The following RBFOX1 variants were observed in gnomAD, a reference collection of about 807,000 sequenced individuals.
The protein encoded by RBFOX1 is RNA binding protein fox-1 homolog 1.
Under a neutral mutation model 57.7 loss-of-function variants are expected in RBFOX1, and 8 were observed. The observed-to-expected ratio is 0.14, with a 90% CI of 0.08 to 0.25. The LOEUF (loss-of-function observed/expected upper bound fraction) is 0.25, where lower values mean the gene tolerates loss of function less well. Ranked by LOEUF, RBFOX1 falls within the 10% of genes least tolerant of loss-of-function variation. The pLI is 1.00. For missense variants in RBFOX1, 611 were observed against 548.5 expected (o/e 1.11, Z -1.14); for synonymous variants, 326 against 222.4 (o/e 1.47, Z -4.15).
chr16:5,287,094 C>T (rs1324232139), intron 1 of RBFOX1, among the ~76,000 whole-genome samples: 2 of 152,250 alleles, frequency 1.3e-5, no homozygotes, highest in East Asian at 3.9e-4. Flanking sequence ...GGCTTGAGGC[C>T]AGGAGTTTGA....
At chr16:7,167,018 T>A in intron 4 of RBFOX1, among the ~76,000 whole-genome samples, 1 of 127,240 alleles carries the variant, frequency 7.9e-6, no homozygotes, top group Admixed American at 9.4e-5. Flanking sequence ...GACAGTTTCT[T>A]TCTGTCGCCC....
chr16:6,742,457 T>G (rs1331171441), intron 3 of RBFOX1, among the ~76,000 whole-genome samples: 2 of 152,122 alleles, frequency 1.3e-5, no homozygotes, highest in African/African-American at 2.4e-5. Context: ...TACCAATGAG[T>G]CAACAATCAC....
In RBFOX1 at chr16:6,336,631, G is replaced by C. The variant is rs140751509; in HGVS notation, c.-64+19574G>C. 1.8e-3 allele frequency among the ~76,000 whole-genome samples: 270 copies of C among 152,222 alleles called. 1 individual carries two copies. The highest frequency in any genetic ancestry group is 6.2e-3 in the African/African-American group (258 of 41,542). ...CACACCACCCGGGAGAACTTTGCCA[G>C]TTGTCAACTTCCTTGGCCTCTGTCT... On this transcript the variant is annotated intron_variant, in intron 2 of 15. Transcript: ENST00000550418.
intron 4 of RBFOX1, among the ~76,000 whole-genome samples, chr16:7,441,912 C>G (rs1017674669): frequency 3.3e-5 from 5 of 152,222 alleles, no homozygotes; most frequent in African/African-American, 1.2e-4. Context: ...TAAACGTGCC[C>G]AGAGATGCTG....
At chr16:6,354,206 C>T (rs1042141490) in intron 2 of RBFOX1, among the ~76,000 whole-genome samples, 3 of 151,814 alleles carry the variant, frequency 2.0e-5, no homozygotes, top group South Asian at 2.1e-4. Flanking sequence ...GGTGACAGAG[C>T]GAGACACTGG....
chr16:5,353,233 C>G (rs1033582719), intron 1 of RBFOX1, among the ~76,000 whole-genome samples: 1 of 152,060 alleles, frequency 6.6e-6, no homozygotes, highest in African/African-American at 2.4e-5. Flanking sequence ...CAAAAATTAG[C>G]CAGGTGTGGT....
chr16:5,599,736 A>G (rs534376335), exon 3 of RBFOX1: 2 of 153,538 alleles, frequency 1.3e-5, no homozygotes, highest in Admixed American at 1.3e-4. Flanking sequence ...AATTTCCTTC[A>G]AAAAAAGTTT....
At chr16:5,735,086 A>G (rs2052523259) in intron 3 of RBFOX1, among the ~76,000 whole-genome samples, 1 of 152,206 alleles carries the variant, frequency 6.6e-6, no homozygotes, top group African/African-American at 2.4e-5. Flanking sequence ...CCTTGTGATC[A>G]TATGGTTTAT....
intron 1 of RBFOX1, among the ~76,000 whole-genome samples, chr16:6,181,334 A>G (rs1774335303): frequency 6.6e-6 from 1 of 152,222 alleles, no homozygotes; most frequent in Non-Finnish European, 1.5e-5. Context: ...GCCCTCATCT[A>G]GAATACCAAA....
At chr16:6,886,814 A>G (rs1436498331) in intron 3 of RBFOX1, among the ~76,000 whole-genome samples, 1 of 152,104 alleles carries the variant, frequency 6.6e-6, no homozygotes, top group Non-Finnish European at 1.5e-5. Flanking sequence ...AAAGAATGAA[A>G]ATGTGAAGAA....
intron 3 of RBFOX1, among the ~76,000 whole-genome samples, chr16:5,666,323 G>A (rs1212994443): frequency 6.6e-6 from 1 of 152,186 alleles, no homozygotes; most frequent in Non-Finnish European, 1.5e-5. Flanking sequence ...TGGTACTCGT[G>A]AAGCAATGTG....
At chr16:6,713,791 A>G (rs1261836671) in intron 3 of RBFOX1, among the ~76,000 whole-genome samples, 3 of 152,124 alleles carry the variant, frequency 2.0e-5, no homozygotes, top group Non-Finnish European at 4.4e-5. Context: ...CAGTTTTGAC[A>G]CCACCTTCTG....
intron 3 of RBFOX1, among the ~76,000 whole-genome samples, chr16:6,862,939 C>T (rs568409376): frequency 6.6e-6 from 1 of 151,006 alleles, no homozygotes; most frequent in Admixed American, 6.6e-5. Flanking sequence ...GAGCTGAGAT[C>T]ACGGCACTGC....
Position 7,421,361 on chromosome 16 carries a change from A to G in RBFOX1, c.28-96786A>G, listed in dbSNP as rs113644642. 3.6e-3 allele frequency among the ~76,000 whole-genome samples: 545 copies of G among 152,296 alleles called. 2 individuals are homozygous for G. Among genetic ancestry groups the G allele is most frequent in the African/African-American group, 0.013 (524 of 41,548 alleles). On this transcript the variant is annotated intron_variant, in intron 4 of 15. Coordinates refer to ENST00000550418, the MANE Select transcript of RBFOX1 (RefSeq NM_018723.4). ...CTTAAACTGCATGTATTTATGGCAC[A>G]TGTATTTGCCAGTTTAATGGACACT...
chr16:6,801,613 T>G (rs1214547036), intron 3 of RBFOX1, among the ~76,000 whole-genome samples: 7 of 151,980 alleles, frequency 4.6e-5, no homozygotes, highest in Non-Finnish European at 2.9e-5. Context: ...GAGACTCATG[T>G]GTCCATCAGG....
At chr16:5,613,745 C>A (rs1023684850) in intron 3 of RBFOX1, among the ~76,000 whole-genome samples, 1 of 152,046 alleles carries the variant, frequency 6.6e-6, no homozygotes, top group African/African-American at 2.4e-5. Flanking sequence ...CTTCTTTGCA[C>A]ATCTCCAAGT....
At chr16:6,898,498 T>G (rs1236280484) in intron 3 of RBFOX1, among the ~76,000 whole-genome samples, 2 of 152,164 alleles carry the variant, frequency 1.3e-5, no homozygotes, top group Non-Finnish European at 2.9e-5. Context: ...AGTAAAGATT[T>G]ATTGCAACAA....
At chr16:7,121,728 T>C (rs551108574) in intron 4 of RBFOX1, among the ~76,000 whole-genome samples, 4 of 152,006 alleles carry the variant, frequency 2.6e-5, no homozygotes, top group African/African-American at 7.2e-5. Flanking sequence ...AAACAAAAAC[T>C]AGAATATCCA....
chr16:7,341,102 A>G lies in RBFOX1; in HGVS notation c.28-177045A>G, dbSNP rs2096882133. 2.0e-5 allele frequency among the ~76,000 whole-genome samples: 3 copies of G among 152,154 alleles called. No individual in the cohort carries two copies. The South Asian group carries it at 6.3e-4, about 32-fold the overall frequency. On this transcript the variant is annotated intron_variant, in intron 4 of 15. Transcript: ENST00000550418. ...GCTTTTCCTGGGTGATTTATGATGGAGATACTCACCCCTATTTATGTTTTT... is the reference window on the plus strand; with the variant it reads ...GCTTTTCCTGGGTGATTTATGATGGGGATACTCACCCCTATTTATGTTTTT...
Sources: gnomAD v4.1 joint callset for allele counts (sites outside exome capture counted in the v4.1 genomes callset) on GRCh38, gnomAD v4.1.1 for gene constraint, MANE v1.5 for transcripts, NCBI Gene and HGNC (gene_info 2026-07-23, HGNC 2026-07-21) for gene names.